The following COPS4 variants were observed in gnomAD, a reference collection of about 807,000 sequenced individuals.
COPS4 encodes the protein COP9 signalosome subunit 4, also known as COP9 signalosome complex subunit 4.
COPS4 carries 8 observed loss-of-function variants against 55.1 expected under a neutral mutation model. The observed-to-expected ratio is 0.15, with a 90% CI of 0.09 to 0.26. The LOEUF (loss-of-function observed/expected upper bound fraction) is 0.26. COPS4 is among the 10% of genes least tolerant of loss of function. The pLI, the probability that COPS4 is intolerant of heterozygous loss-of-function variation, is 1.00. For synonymous variants in COPS4, 185 were observed against 165.7 expected (o/e 1.12, Z -0.90); for missense variants, 248 against 484.0 (o/e 0.51, Z 4.58).
intron 9 of COPS4, among the ~76,000 whole-genome samples, chr4:83,070,881 C>T (rs1295774329): frequency 6.6e-6 from 1 of 152,184 alleles, no homozygotes; most frequent in Non-Finnish European, 1.5e-5. Flanking sequence ...TACAAAGTCT[C>T]CCAAAAGCTG....
intron 6 of COPS4, among the ~76,000 whole-genome samples, chr4:83,062,165 T>C (rs1249856410): frequency 1.3e-5 from 2 of 152,250 alleles, no homozygotes; most frequent in Non-Finnish European, 2.9e-5. Flanking sequence ...AAATATAAAT[T>C]GAAACTGTGA....
chr4:83,074,893 C>T (rs1428768796), intron 9 of COPS4, among the ~76,000 whole-genome samples: 2 of 151,694 alleles, frequency 1.3e-5, no homozygotes, highest in African/African-American at 2.4e-5. Context: ...CAGGCCAAGG[C>T]GGGTGGATCA....
intron 9 of COPS4, chr4:83,073,465 C>G (rs994670597): frequency 5.0e-6 from 2 of 401,832 alleles, no homozygotes; most frequent in Non-Finnish European, 8.8e-6. Context: ...TTCTCAAACA[C>G]CAATTTTTTT....
At chr4:83,050,745 G>A (rs1190157015) in intron 4 of COPS4, among the ~76,000 whole-genome samples, 2 of 152,186 alleles carry the variant, frequency 1.3e-5, no homozygotes, top group Admixed American at 1.3e-4. Flanking sequence ...AGGGGCAAGA[G>A]ATCAGGGATG....
In COPS4 at chr4:83,061,887, G is replaced by C. The variant is rs145302670; in HGVS notation, c.716-1189G>C. Among the ~76,000 whole-genome samples, 1,098 of 152,232 alleles carry C rather than the reference G, an allele frequency of 7.2e-3. 9 individuals carry two copies. Among genetic ancestry groups the C allele is most frequent in the African/African-American group, 0.025 (1,026 of 41,554 alleles). On this transcript the variant is annotated intron_variant, in intron 6 of 9. Transcript: ENST00000264389. ...CATTAATCTTTGAATACTTCCCTGC[G>C]AATTAGCAGAAAAAGGAACTTGGAT...
intron 8 of COPS4, among the ~76,000 whole-genome samples, chr4:83,067,981 G>A (rs1336765078): frequency 6.6e-6 from 1 of 152,140 alleles, no homozygotes; most frequent in Non-Finnish European, 1.5e-5. Flanking sequence ...TTAGGTAGTA[G>A]ACCTTTTGCT....
At chr4:83,054,591 C>A (rs138920278) in intron 4 of COPS4, among the ~76,000 whole-genome samples, 1 of 152,134 alleles carries the variant, frequency 6.6e-6, no homozygotes, top group East Asian at 1.9e-4. Flanking sequence ...TTTCAAGGTC[C>A]CTTGATAATT....
chr4:83,045,639 C>T lies in COPS4; in HGVS notation c.88C>T (p.Leu30=). 6.2e-7 allele frequency: 1 copy of T among 1,612,564 alleles called. No homozygotes were observed. The highest frequency in any genetic ancestry group is 8.5e-7 in the Non-Finnish European group (1 of 1,178,886). ...KDLAGKYRQI[L]EKAIQLSGAE... is the part of the protein sequence containing the mutation. ...GTATTGTTGTAGGTATCGTCAGATC[C>T]TGGAAAAAGCCATTCAGTTATCTGG... The change falls in exon 2 of 10, where the codon CTG becomes TTG. Residue 30 remains leucine (L), a synonymous_variant. Coordinates refer to ENST00000264389, the MANE Select transcript of COPS4 (RefSeq NM_016129.3).
chr4:83,063,307 C>T, intron 7 of COPS4, 61 bp downstream of exon 7: 1 of 1,142,584 alleles, frequency 8.8e-7, no homozygotes, highest in South Asian at 1.7e-5. Context: ...TAGTGAAAAT[C>T]ATGTTAAATT....
chr4:83,060,980 G>T (rs995378969), intron 6 of COPS4, among the ~76,000 whole-genome samples: 19 of 151,362 alleles, frequency 1.3e-4, no homozygotes, highest in African/African-American at 4.6e-4. Flanking sequence ...ATTGCAGCGA[G>T]CTGAGATCGC....
chr4:83,074,866 T>A (rs1206200889), intron 9 of COPS4, among the ~76,000 whole-genome samples: 1 of 151,910 alleles, frequency 6.6e-6, no homozygotes, highest in African/African-American at 2.4e-5. Flanking sequence ...CTCATGCCTG[T>A]AATCCCAGCA....
At chr4:83,070,319 C>T (rs1484969697) in intron 9 of COPS4, among the ~76,000 whole-genome samples, 2 of 152,140 alleles carry the variant, frequency 1.3e-5, no homozygotes, top group Non-Finnish European at 2.9e-5. Context: ...ATAGACAATG[C>T]CTACATTTAC....
At position 83,045,675 on chromosome 4, in the gene COPS4, C is replaced by G; in HGVS notation, c.124C>G (p.Leu42Val). ...CATTCAGTTATCTGGAGCAGAACAA[C>G]TAGAAGCTTTGAAAGCTTTTGTGGA... ...KAIQLSGAEQ[L>V]EALKAFVEAM... The change falls in exon 2 of 10, where the codon CTA becomes GTA. Residue 42 changes from leucine to valine, a missense_variant. Transcript: ENST00000264389. The G allele has an allele frequency of 6.2e-7, 1 of 1,612,878 alleles. No homozygotes were observed.
chr4:83,064,746 G>A (rs1731252208), intron 7 of COPS4, among the ~76,000 whole-genome samples: 1 of 151,896 alleles, frequency 6.6e-6, no homozygotes, highest in Non-Finnish European at 1.5e-5. Flanking sequence ...TTTTTGTAGA[G>A]TTGGGGTCTC....
chr4:83,050,068 G>A, intron 4 of COPS4, 84 bp downstream of exon 4: 1 of 771,072 alleles, frequency 1.3e-6, no homozygotes, highest in Non-Finnish European at 2.1e-6. Flanking sequence ...TTCTAGTACA[G>A]GAAACAGATA....
At chr4:83,036,269 C>G (rs1170134641) in intron 1 of COPS4, among the ~76,000 whole-genome samples, 1 of 148,534 alleles carries the variant, frequency 6.7e-6, no homozygotes, top group Non-Finnish European at 1.5e-5. Context: ...CCCCCCCCCC[C>G]GCCGCCACCC....
intron 9 of COPS4, among the ~76,000 whole-genome samples, chr4:83,071,262 A>G (rs372586452): frequency 6.6e-6 from 1 of 152,324 alleles, no homozygotes; most frequent in East Asian, 1.9e-4. Context: ...TGTCTGGCAC[A>G]TTGTAAATGA....
chr4:83,037,302 C>T (rs561255600), intron 1 of COPS4, among the ~76,000 whole-genome samples: 1 of 152,186 alleles, frequency 6.6e-6, no homozygotes, highest in African/African-American at 2.4e-5. Context: ...AAGACCAGCC[C>T]AGATTCAAGG....
chr4:83,055,000 G>A (rs1163395283), intron 4 of COPS4, among the ~76,000 whole-genome samples: 6 of 152,126 alleles, frequency 3.9e-5, no homozygotes, highest in South Asian at 2.1e-4. Flanking sequence ...ATTGTGAATG[G>A]AAAAAAGTAC....
Sources: allele counts gnomAD v4.1 joint callset (sites outside exome capture counted in the v4.1 genomes callset), GRCh38; gene constraint gnomAD v4.1.1; transcripts MANE v1.5; gene names NCBI Gene and HGNC (gene_info 2026-07-23, HGNC 2026-07-21).